C3orf20: variants seen among roughly 807,000 people sequenced by gnomAD.
C3orf20 encodes family with sequence similarity 149 member C.
In C3orf20, 76 loss-of-function variants were observed where a neutral mutation model predicts 88.3. The ratio of observed to expected loss-of-function variants is 0.86; its 90% CI spans 0.72 to 1.04. The LOEUF (loss-of-function observed/expected upper bound fraction) is 1.04. Ranked by LOEUF, C3orf20 falls within the 50% of genes least tolerant of loss-of-function variation. The pLI is 0.00. For synonymous variants in C3orf20, 436 were observed against 437.4 expected (o/e 1.00, Z 0.04); for missense variants, 1,056 against 1,123.3 (o/e 0.94, Z 0.86).
At chr3:14,712,106 G>C (rs1398575942) in intron 7 of C3orf20, among the ~76,000 whole-genome samples, 1 of 151,798 alleles carries the variant, frequency 6.6e-6, no homozygotes, top group African/African-American at 2.4e-5. Flanking sequence ...ATATTCTTGG[G>C]GTGGGCCCTA....
intron 13 of C3orf20, among the ~76,000 whole-genome samples, 171 bp from the exon 14 acceptor site, chr3:14,759,720 A>G (rs920544646): frequency 6.6e-6 from 1 of 152,132 alleles, no homozygotes; most frequent in African/African-American, 2.4e-5. Flanking sequence ...AGGGACAGTC[A>G]TGGGAGGTGT....
chr3:14,688,737 C>T (rs1355284862), intron 4 of C3orf20, among the ~76,000 whole-genome samples: 1 of 151,954 alleles, frequency 6.6e-6, no homozygotes. Context: ...CTGCCATCTT[C>T]ATATAAGAGC....
chr3:14,726,458 T>G (rs2034348276), intron 10 of C3orf20, among the ~76,000 whole-genome samples: 1 of 152,196 alleles, frequency 6.6e-6, no homozygotes, highest in Non-Finnish European at 1.5e-5. Flanking sequence ...GCAGAAGGCT[T>G]TATCGTCCAC....
At chr3:14,702,440 CT>C (rs34341509) in intron 5 of C3orf20, among the ~76,000 whole-genome samples, 64,116 of 116,188 alleles carry the variant, frequency 0.55, 15,906 homozygotes, top group East Asian at 0.6. Context: ...CCTCACATAT[CT>C]TTTTTTTTTT....
At chr3:14,761,304 T>C (rs1009142147) in intron 14 of C3orf20, among the ~76,000 whole-genome samples, 169 bp from the exon 15 acceptor site, 1 of 147,858 alleles carries the variant, frequency 6.8e-6, no homozygotes, top group Non-Finnish European at 1.5e-5. Flanking sequence ...CCTGGGCAAC[T>C]CAGGGAGGGC....
At chr3:14,757,268 T>C in intron 12 of C3orf20, 103 bp from the exon 13 acceptor site, 1 of 1,002,550 alleles carries the variant, frequency 1.0e-6, no homozygotes, top group Middle Eastern at 3.3e-4. Context: ...GACTAAAATC[T>C]GCCTGCAGCA....
intron 5 of C3orf20, among the ~76,000 whole-genome samples, chr3:14,696,446 C>T (rs539367372): frequency 4.6e-5 from 7 of 151,224 alleles, no homozygotes; most frequent in East Asian, 1.9e-4. Context: ...GGCTGCAGTG[C>T]GGTGGCACGT....
chr3:14,759,360 G>A (rs2035487151), intron 13 of C3orf20, among the ~76,000 whole-genome samples: 1 of 152,112 alleles, frequency 6.6e-6, no homozygotes, highest in Non-Finnish European at 1.5e-5. Flanking sequence ...GGAGGGGAGA[G>A]AGGCCAGCTT....
At chr3:14,733,015 G>A (rs970341821) in intron 12 of C3orf20, among the ~76,000 whole-genome samples, 2 of 152,034 alleles carry the variant, frequency 1.3e-5, no homozygotes, top group African/African-American at 4.8e-5. Flanking sequence ...ACTCTGTTTT[G>A]TTAATATGGT....
rs888472628 is a variant in C3orf20, at chr3:14,701,311, G to T, written c.746-1819G>T. On this transcript the variant is annotated intron_variant, in intron 5 of 16. Coordinates refer to ENST00000253697, the MANE Select transcript of C3orf20 (RefSeq NM_032137.5). This position sits in a 1 kb window ranked among gnomAD's most constrained non-coding sequence, Gnocchi z 4.6. ...GAGGGCTCCATTCTGAGGCCCTCAG[G>T]GTTTCAGTTAGAGCCTGAGAAATGC... is the stretch of plus-strand genomic sequence containing the variant. Among the ~76,000 whole-genome samples, 7 of 152,274 alleles carry T rather than the reference G, an allele frequency of 4.6e-5. No homozygotes were observed. Among genetic ancestry groups the T allele is most frequent in the African/African-American group, 1.4e-4 (6 of 41,552 alleles).
chr3:14,689,099 CTCT>C (rs748343155), intron 4 of C3orf20, among the ~76,000 whole-genome samples: 1 of 152,036 alleles, frequency 6.6e-6, no homozygotes, highest in Non-Finnish European at 1.5e-5. Context: ...ATATATATAG[CTCT>C]TCTTCTGAAA....
chr3:14,684,757 A>G (rs939049197), intron 4 of C3orf20, among the ~76,000 whole-genome samples: 1 of 152,244 alleles, frequency 6.6e-6, no homozygotes, highest in Non-Finnish European at 1.5e-5. Context: ...GTTGCTGCAC[A>G]GGCCTCTCAG....
At chr3:14,745,093 C>G (rs1277376948) in intron 12 of C3orf20, among the ~76,000 whole-genome samples, 1 of 152,200 alleles carries the variant, frequency 6.6e-6, no homozygotes. Flanking sequence ...AAGGAAGCAA[C>G]TGACAAATCT....
chr3:14,744,158 A>G (rs2034993822), intron 12 of C3orf20, among the ~76,000 whole-genome samples: 1 of 151,974 alleles, frequency 6.6e-6, no homozygotes, highest in African/African-American at 2.4e-5. Flanking sequence ...TGCCTTTAAC[A>G]ACACCCAGGT....
intron 12 of C3orf20, among the ~76,000 whole-genome samples, chr3:14,729,488 T>C (rs191426118): frequency 9.1e-4 from 139 of 152,180 alleles, no homozygotes; most frequent in African/African-American, 3.2e-3. Context: ...AGGAGTTTGG[T>C]CATGTAGCCT....
At chr3:14,747,695 A>G (rs1412492437) in intron 12 of C3orf20, among the ~76,000 whole-genome samples, 1 of 152,190 alleles carries the variant, frequency 6.6e-6, no homozygotes, top group Non-Finnish European at 1.5e-5. Context: ...TTGTTTGCAA[A>G]ATAAGTTTAG....
At chr3:14,770,518 G>C (rs751235154) in intron 15 of C3orf20, among the ~76,000 whole-genome samples, 2 of 151,982 alleles carry the variant, frequency 1.3e-5, no homozygotes, top group Non-Finnish European at 2.9e-5. Flanking sequence ...CTTGCTCTAG[G>C]CCTTGTAGGA....
intron 3 of C3orf20, among the ~76,000 whole-genome samples, chr3:14,683,600 A>AGGC (rs2124887108): frequency 6.6e-6 from 1 of 152,122 alleles, no homozygotes; most frequent in East Asian, 1.9e-4. Context: ...GTCCCAGGCC[A>AGGC]GGCGCGGTGG....
chr3:14,684,050 G>T (rs1187278431), intron 3 of C3orf20, among the ~76,000 whole-genome samples, 192 bp from the exon 4 acceptor site: 2 of 152,060 alleles, frequency 1.3e-5, no homozygotes, highest in Non-Finnish European at 2.9e-5. Flanking sequence ...CAGGCAAAGG[G>T]AGGAGAGCAA....
Sources: gnomAD v4.1 joint callset for allele counts (sites outside exome capture counted in the v4.1 genomes callset) on GRCh38, gnomAD v4.1.1 for gene constraint, Gnocchi (gnomAD v3.1) non-coding constraint, MANE v1.5 for transcripts, NCBI Gene and HGNC (gene_info 2026-07-23, HGNC 2026-07-21) for gene names.